Variants in GABRA3 observed in about 807,000 individuals in gnomAD.
GABRA3 encodes the protein gamma-aminobutyric acid type A receptor subunit alpha3.
GABRA3 carries 10 observed loss-of-function variants against 30.1 expected under a neutral mutation model. That is an observed-to-expected ratio of 0.33 (90% CI 0.20 to 0.56). GABRA3 has a LOEUF of 0.56. GABRA3 is among the 20% of genes least tolerant of loss of function. The pLI, the probability that GABRA3 is intolerant of heterozygous loss-of-function variation, is 0.89. For synonymous variants in GABRA3, 151 were observed against 146.8 expected (o/e 1.03, Z -0.21); for missense variants, 233 against 392.0 (o/e 0.59, Z 3.42).
At position 152,310,022 on chromosome X, in the gene GABRA3, A is replaced by T. The variant is rs1013729960; in HGVS notation, c.263-25287T>A. On this transcript the variant is annotated intron_variant, in intron 3 of 9. Coordinates refer to ENST00000370314, the MANE Select transcript of GABRA3 (RefSeq NM_000808.4). ...AAACAGACTTTGAACTGACAATGAT[A>T]AGAAAAAGACAAAAAACTGCATTAC... Among the ~76,000 whole-genome samples, 4 of 112,338 alleles carry T rather than the reference A, an allele frequency of 3.6e-5. No individual in the cohort carries two copies. In the East Asian group the frequency reaches 1.1e-3, roughly 31 times the overall value.
intron 4 of GABRA3, among the ~76,000 whole-genome samples, chrX:152,275,661 A>G (rs1349300800): frequency 2.8e-5 from 3 of 107,988 alleles, no homozygotes; most frequent in Admixed American, 1.0e-4. Flanking sequence ...GGGGAGGCTG[A>G]GGCAGGAGAA....
At chrX:152,344,882 G>C (rs1427937953) in intron 3 of GABRA3, among the ~76,000 whole-genome samples, 1 of 111,664 alleles carries the variant, frequency 9.0e-6, no homozygotes, top group African/African-American at 3.3e-5. Flanking sequence ...ACATTTTGGG[G>C]ATAATTGGAA....
At position 152,183,131 on chromosome X, in the gene GABRA3, T is replaced by G. The variant is rs1380865352; in HGVS notation, c.1143+6599A>C. Among the ~76,000 whole-genome samples, 4 of 109,402 alleles carry G rather than the reference T, an allele frequency of 3.7e-5. No homozygotes were observed. The Admixed American group carries it at 4.0e-4, about 11-fold the overall frequency. ...ATTTTTTGGAAGAATTTGAGAATGA[T>G]TGGTATTAGTTCTTCTTTAAGTGCT... On this transcript the variant is annotated intron_variant, in intron 9 of 9. Coordinates refer to ENST00000370314, the MANE Select transcript of GABRA3 (RefSeq NM_000808.4).
chrX:152,434,884 C>T (rs1930737611), intron 1 of GABRA3, among the ~76,000 whole-genome samples: 1 of 111,296 alleles, frequency 9.0e-6, no homozygotes, highest in Non-Finnish European at 1.9e-5. Flanking sequence ...GAAGGGAACT[C>T]CCTCAAACTT....
intron 2 of GABRA3, among the ~76,000 whole-genome samples, chrX:152,361,736 C>T (rs1380823691): frequency 9.1e-6 from 1 of 109,698 alleles, no homozygotes; most frequent in Non-Finnish European, 1.9e-5. Context: ...TCTGTATCAG[C>T]CACCCAAGTA....
intron 4 of GABRA3, among the ~76,000 whole-genome samples, chrX:152,265,484 C>T (rs754293948): frequency 9.0e-6 from 1 of 111,161 alleles, no homozygotes; most frequent in African/African-American, 3.3e-5. Flanking sequence ...AAACCTATGG[C>T]ATGCAGTGAA....
chrX:152,205,709 G>T (rs1487779805), intron 7 of GABRA3, among the ~76,000 whole-genome samples: 1 of 111,127 alleles, frequency 9.0e-6, no homozygotes, highest in Non-Finnish European at 1.9e-5. Flanking sequence ...TAAATCTTGT[G>T]TACATTTTAC....
Position 152,376,135 on chromosome X carries a change from TAAG to T in GABRA3, c.-26-11542_-26-11540del, listed in dbSNP as rs755342805. 5.4e-5 allele frequency among the ~76,000 whole-genome samples: 6 copies of T among 112,139 alleles called. No homozygotes were observed. The South Asian group carries it at 2.2e-3, about 42-fold the overall frequency. ...TTTCCAAACTAGGGCAGCCCTAAAC[TAAG>T]ACTGACAGATACAGAAGTACAAATA... On this transcript the variant is annotated intron_variant, in intron 1 of 9. Coordinates refer to ENST00000370314, the MANE Select transcript of GABRA3 (RefSeq NM_000808.4).
chrX:152,228,497 T>A (rs1018130210), intron 5 of GABRA3, among the ~76,000 whole-genome samples: 34 of 111,754 alleles, frequency 3.0e-4, no homozygotes, highest in Non-Finnish European at 6.2e-4. Flanking sequence ...TGGCTAGACA[T>A]AAAGTAATTT....
intron 1 of GABRA3, among the ~76,000 whole-genome samples, chrX:152,426,565 C>T (rs981439044): frequency 9.0e-6 from 1 of 111,674 alleles, no homozygotes; most frequent in African/African-American, 3.3e-5. Context: ...GAGATTCTAT[C>T]TCACTTCTAA....
At chrX:152,350,914 T>G (rs137904579) in intron 2 of GABRA3, among the ~76,000 whole-genome samples, 2 of 112,312 alleles carry the variant, frequency 1.8e-5, no homozygotes, top group Non-Finnish European at 3.8e-5. Flanking sequence ...CTTGCACATC[T>G]CCATCAAAGC....
intron 9 of GABRA3, chrX:152,171,270 T>C (rs1936998585): frequency 6.6e-6 from 1 of 151,480 alleles, no homozygotes; most frequent in Non-Finnish European, 1.1e-5. Context: ...TGAATACTTT[T>C]TTTTAGCTCC....
At chrX:152,345,531 G>A (rs1454172925) in intron 3 of GABRA3, 50 bp downstream of exon 3, 1 of 1,167,787 alleles carries the variant, frequency 8.6e-7, no homozygotes, top group East Asian at 3.0e-5. Context: ...AGATAACAAT[G>A]GCCAAGAAGA....
chrX:152,235,957 CT>C (rs56004323), intron 5 of GABRA3, among the ~76,000 whole-genome samples: 33,759 of 76,258 alleles, frequency 0.44, 6,545 homozygotes, highest in African/African-American at 0.68. Context: ...TATTTGATTT[CT>C]TTTTTTTTTT....
rs909663981 is a variant in GABRA3, at chrX:152,179,446, C to G, written c.1143+10284G>C. ...TTCTTTGACCAACAACTACCCCCAA[C>G]TCCCAGTCCCCAGTAACCACCATTC... On this transcript the variant is annotated intron_variant, in intron 9 of 9. Transcript: ENST00000370314. 1.6e-4 allele frequency among the ~76,000 whole-genome samples: 18 copies of G among 110,288 alleles called. No individual in the cohort carries two copies. The Admixed American group carries it at 1.7e-3, about 10-fold the overall frequency.
intron 5 of GABRA3, among the ~76,000 whole-genome samples, chrX:152,225,907 A>G (rs1210255857): frequency 9.1e-6 from 1 of 110,469 alleles, no homozygotes; most frequent in East Asian, 2.9e-4. Flanking sequence ...AGCGTCACCC[A>G]TTCCCCCAAT....
chrX:152,241,912 C>G (rs1020142884), intron 5 of GABRA3, among the ~76,000 whole-genome samples: 1 of 111,573 alleles, frequency 9.0e-6, no homozygotes, highest in African/African-American at 3.3e-5. Context: ...TCTGGCACTC[C>G]CTAGTTAGAT....
At chrX:152,329,681 T>G (rs1196780667) in intron 3 of GABRA3, among the ~76,000 whole-genome samples, 1 of 111,841 alleles carries the variant, frequency 8.9e-6, no homozygotes, top group Admixed American at 9.5e-5. Flanking sequence ...TCTTACACCT[T>G]ACACAAAAAT....
At chrX:152,323,066 C>A (rs958787806) in intron 3 of GABRA3, among the ~76,000 whole-genome samples, 3 of 108,486 alleles carry the variant, frequency 2.8e-5, no homozygotes, top group African/African-American at 1.0e-4. Flanking sequence ...TTGGTCAGGA[C>A]GGTCTTGATC....
Sources: gnomAD v4.1 joint callset for allele counts (sites outside exome capture counted in the v4.1 genomes callset) on GRCh38, gnomAD v4.1.1 for gene constraint, MANE v1.5 for transcripts, NCBI Gene and HGNC (gene_info 2026-07-23, HGNC 2026-07-21) for gene names.